The following PKNOX2 variants were observed in gnomAD, a reference collection of about 807,000 sequenced individuals.
PKNOX2 encodes homeobox protein PKNOX2.
A neutral mutation model predicts 53.1 loss-of-function variants in PKNOX2; 14 were observed. That is an observed-to-expected ratio of 0.26 (90% confidence interval 0.17 to 0.41). The LOEUF is 0.41. PKNOX2 is among the 10% of genes least tolerant of loss of function. PKNOX2 has a pLI of 1.00. For missense variants in PKNOX2, 496 were observed against 602.8 expected (o/e 0.82, Z 1.85); for synonymous variants, 257 against 242.8 (o/e 1.06, Z -0.54).
At chr11:125,247,834 A>G (rs550056989) in intron 2 of PKNOX2, among the ~76,000 whole-genome samples, 1 of 152,286 alleles carries the variant, frequency 6.6e-6, no homozygotes, top group South Asian at 2.1e-4. Flanking sequence ...TTGCCCCTGT[A>G]TCTTTGCCAA....
intron 2 of PKNOX2, among the ~76,000 whole-genome samples, chr11:125,274,994 G>A (rs1946061175): frequency 6.6e-6 from 1 of 152,224 alleles, no homozygotes; most frequent in African/African-American, 2.4e-5. Flanking sequence ...AATGCTAGAT[G>A]CCTACTGTGT....
At chr11:125,295,242 C>T (rs960267797) in intron 2 of PKNOX2, among the ~76,000 whole-genome samples, 1 of 152,158 alleles carries the variant, frequency 6.6e-6, no homozygotes, top group Non-Finnish European at 1.5e-5. Flanking sequence ...AACAAGGTAG[C>T]ATGAAAAGTT....
chr11:125,385,797 A>T, intron 6 of PKNOX2, 75 bp downstream of exon 6: 1 of 1,511,520 alleles, frequency 6.6e-7, no homozygotes, highest in South Asian at 1.3e-5. Context: ...CCTAGAAATG[A>T]TCCTTTCATT....
chr11:125,229,618 G>A (rs1284868883), intron 1 of PKNOX2, among the ~76,000 whole-genome samples: 1 of 152,196 alleles, frequency 6.6e-6, no homozygotes, highest in Non-Finnish European at 1.5e-5. Flanking sequence ...CCAGGGCAGG[G>A]TTGGTAGGGT....
At chr11:125,235,678 G>A (rs1200973055) in intron 2 of PKNOX2, among the ~76,000 whole-genome samples, 4 of 152,188 alleles carry the variant, frequency 2.6e-5, no homozygotes, top group African/African-American at 7.2e-5. Flanking sequence ...TGTGGGACCC[G>A]GCCTAAGTCC....
chr11:125,329,245 G>C, intron 2 of PKNOX2, among the ~76,000 whole-genome samples: 1 of 152,198 alleles, frequency 6.6e-6, no homozygotes, highest in East Asian at 1.9e-4. Context: ...TGAACAGTAT[G>C]AAAATATGAT....
intron 3 of PKNOX2, among the ~76,000 whole-genome samples, chr11:125,350,241 T>A (rs1190601649): frequency 2.0e-5 from 3 of 152,202 alleles, no homozygotes; most frequent in Non-Finnish European, 4.4e-5. Flanking sequence ...TTTCCTTGGG[T>A]GGCACAGCCG....
chr11:125,305,023 C>T (rs77728634), intron 2 of PKNOX2, among the ~76,000 whole-genome samples: 3,148 of 152,314 alleles, frequency 0.021, 120 homozygotes, highest in African/African-American at 0.072. Flanking sequence ...AAAGCATGTT[C>T]AAGTTCTCCG....
chr11:125,251,526 G>A (rs534405069), intron 2 of PKNOX2, among the ~76,000 whole-genome samples: 28 of 152,172 alleles, frequency 1.8e-4, no homozygotes, highest in East Asian at 3.9e-4. Flanking sequence ...ATGTGTGTGC[G>A]TTGCCTGGAT....
chr11:125,377,309 T>C (rs1449316304), intron 5 of PKNOX2, among the ~76,000 whole-genome samples: 1 of 151,924 alleles, frequency 6.6e-6, no homozygotes, highest in Non-Finnish European at 1.5e-5. Context: ...GTGAGTGAGG[T>C]CAAGGAAGAA....
At chr11:125,283,270 T>C (rs527791161) in intron 2 of PKNOX2, among the ~76,000 whole-genome samples, 2 of 152,392 alleles carry the variant, frequency 1.3e-5, no homozygotes, top group East Asian at 3.9e-4. Context: ...TAGGGCTTAG[T>C]GAAGGCATAA....
At chr11:125,337,061 A>G (rs188953969) in intron 3 of PKNOX2, among the ~76,000 whole-genome samples, 2 of 152,024 alleles carry the variant, frequency 1.3e-5, no homozygotes, top group Admixed American at 1.3e-4. Context: ...TGATTTTTAC[A>G]TTGTTAAGAT....
intron 3 of PKNOX2, among the ~76,000 whole-genome samples, chr11:125,344,822 C>A (rs544391553): frequency 6.6e-6 from 1 of 152,292 alleles, no homozygotes; most frequent in Non-Finnish European, 1.5e-5. Flanking sequence ...GCGGTGTGCC[C>A]TGGGACCTGG....
At chr11:125,379,055 C>CTTTTTTTTTTT (rs35310311) in intron 5 of PKNOX2, among the ~76,000 whole-genome samples, 1 of 124,442 alleles carries the variant, frequency 8.0e-6, no homozygotes, top group Non-Finnish European at 1.7e-5. Context: ...TTTTCTTTCT[C>CTTTTTTTTTTT]TTTTTTTTTT....
chr11:125,398,181 G>A, intron 7 of PKNOX2, 119 bp downstream of exon 7: 1 of 991,172 alleles, frequency 1.0e-6, no homozygotes. Flanking sequence ...GGGTTCCTTT[G>A]CCATGAGGGC....
Position 125,259,387 on chromosome 11 carries a change from T to C in PKNOX2, c.-130+24272T>C, listed in dbSNP as rs143050159. ...TGCCAGCTCTGACAACTTTTTTTATTCTGTAATAAGTGACCAATAAAGTGA... is the reference window on the plus strand; with the variant it reads ...TGCCAGCTCTGACAACTTTTTTTATCCTGTAATAAGTGACCAATAAAGTGA... On this transcript the variant is annotated intron_variant, in intron 2 of 12. Coordinates refer to ENST00000298282, the MANE Select transcript of PKNOX2 (RefSeq NM_001382323.2). 1.9e-3 allele frequency among the ~76,000 whole-genome samples: 294 copies of C among 152,320 alleles called. 1 individual carries two copies. Among genetic ancestry groups the C allele is most frequent in the African/African-American group, 6.4e-3 (268 of 41,568 alleles).
chr11:125,318,698 T>C (rs1031089666), intron 2 of PKNOX2, among the ~76,000 whole-genome samples: 4 of 152,208 alleles, frequency 2.6e-5, no homozygotes, highest in Admixed American at 6.5e-5. Context: ...TTTTGCCCTA[T>C]CTCAATGATA....
intron 1 of PKNOX2, among the ~76,000 whole-genome samples, chr11:125,222,546 T>A (rs1054204365): frequency 2.3e-4 from 35 of 152,118 alleles, no homozygotes; most frequent in African/African-American, 8.5e-4. Context: ...ATCTATACAA[T>A]GTGCATCTGT....
chr11:125,211,273 A>G (rs1410609027), intron 1 of PKNOX2, among the ~76,000 whole-genome samples: 1 of 152,116 alleles, frequency 6.6e-6, no homozygotes, highest in Non-Finnish European at 1.5e-5. Flanking sequence ...GGGTTTCTCA[A>G]TCTGGAACAT....
Sources: allele counts gnomAD v4.1 joint callset (sites outside exome capture counted in the v4.1 genomes callset), GRCh38; gene constraint gnomAD v4.1.1; transcripts MANE v1.5; gene names NCBI Gene and HGNC (gene_info 2026-07-23, HGNC 2026-07-21).